Variants in SAMD12 observed in about 807,000 individuals in gnomAD.
SAMD12 encodes sterile alpha motif domain-containing protein 12.
SAMD12 carries 9 observed loss-of-function variants against 15.0 expected under a neutral mutation model. The observed-to-expected ratio is 0.60, with a 90% CI of 0.36 to 1.05. The LOEUF (loss-of-function observed/expected upper bound fraction) is 1.05, where lower values mean the gene tolerates loss of function less well. Ranked by LOEUF, SAMD12 falls within the 50% of genes least tolerant of loss-of-function variation. The pLI is 0.01. For missense variants in SAMD12, 230 were observed against 234.2 expected (o/e 0.98, Z 0.12); for synonymous variants, 86 against 90.1 (o/e 0.96, Z 0.25).
At chr8:118,241,918 T>C (rs1337927668) in intron 4 of SAMD12, among the ~76,000 whole-genome samples, 1 of 152,168 alleles carries the variant, frequency 6.6e-6, no homozygotes, top group African/African-American at 2.4e-5. Context: ...AATATGTGTA[T>C]TTATTTATTT....
the SAMD12 span, among the ~76,000 whole-genome samples, chr8:118,149,312 A>C: frequency 6.6e-6 from 1 of 152,076 alleles, no homozygotes; most frequent in East Asian, 1.9e-4. Flanking sequence ...TTAAAATTAT[A>C]TATGTTTTTA....
the SAMD12 span, among the ~76,000 whole-genome samples, chr8:118,163,061 A>G: frequency 6.6e-6 from 1 of 152,166 alleles, no homozygotes; most frequent in African/African-American, 2.4e-5. Flanking sequence ...ACCTCCTGCC[A>G]TTTTTTAAAA....
intron 2 of SAMD12, among the ~76,000 whole-genome samples, chr8:118,510,400 A>G (rs1406464707): frequency 6.6e-6 from 1 of 152,158 alleles, no homozygotes; most frequent in Non-Finnish European, 1.5e-5. Context: ...ATTGTTCGGG[A>G]CCACAATAAT....
rs71292173 is a variant in SAMD12 at position 118,522,157 on chromosome 8, AACAC to A, written c.192+58554_192+58557del. On this transcript the variant is annotated intron_variant, in intron 2 of 3. Coordinates refer to ENST00000314727, the MANE Select transcript of SAMD12 (RefSeq NM_207506.3). ...CAGTTAACAACTACTGATTCAGTGA[AACAC>A]ACACACACACACACACATACACACA... Among the ~76,000 whole-genome samples, 565 of 70,022 alleles carry A rather than the reference AACAC, an allele frequency of 8.1e-3. 5 individuals are homozygous for A. The highest frequency in any genetic ancestry group is 0.028 in the African/African-American group (488 of 17,412). The allele number at this position is 70,022 out of a possible 152,430, so 45.9% of individuals were successfully genotyped here. A position where few individuals can be genotyped will look rare whatever the true frequency, so the allele number is the denominator to read the frequency against.
At chr8:118,521,999 C>T (rs1237155620) in intron 2 of SAMD12, among the ~76,000 whole-genome samples, 1 of 152,068 alleles carries the variant, frequency 6.6e-6, no homozygotes, top group Admixed American at 6.6e-5. Flanking sequence ...TACTGGTTAA[C>T]AAGGTCCCTA....
chr8:118,436,571 T>C (rs1323748739), intron 3 of SAMD12, among the ~76,000 whole-genome samples: 2 of 152,184 alleles, frequency 1.3e-5, no homozygotes, highest in Non-Finnish European at 1.5e-5. Context: ...TCAATGAGCA[T>C]GATAGAGGAG....
chr8:118,369,290 A>G (rs1017775346), intron 4 of SAMD12, among the ~76,000 whole-genome samples: 2 of 152,234 alleles, frequency 1.3e-5, no homozygotes, highest in African/African-American at 4.8e-5. Flanking sequence ...CAAACCTGAC[A>G]AAAACAAGCA....
intron 2 of SAMD12, among the ~76,000 whole-genome samples, chr8:118,496,867 A>T (rs1477819016): frequency 6.7e-6 from 1 of 149,030 alleles, no homozygotes; most frequent in Non-Finnish European, 1.5e-5. Flanking sequence ...GCAAATTTAC[A>T]AGCCAAAAAA....
intron 4 of SAMD12, among the ~76,000 whole-genome samples, chr8:118,273,710 G>C (rs1348693044): frequency 6.6e-6 from 1 of 152,140 alleles, no homozygotes; most frequent in Non-Finnish European, 1.5e-5. Flanking sequence ...CGGAGGGGTT[G>C]ATTCAATCCA....
chr8:118,350,050 C>T (rs1230376421), intron 4 of SAMD12, among the ~76,000 whole-genome samples: 2 of 152,110 alleles, frequency 1.3e-5, no homozygotes, highest in African/African-American at 2.4e-5. Flanking sequence ...ATCGCTTGAG[C>T]CCAGGAGGTC....
At chr8:118,286,318 A>T (rs937888673) in intron 4 of SAMD12, among the ~76,000 whole-genome samples, 6 of 143,450 alleles carry the variant, frequency 4.2e-5, no homozygotes, top group Admixed American at 2.7e-4. Flanking sequence ...AAATATAATT[A>T]AAAAAAAAAG....
chr8:118,579,020 T>C (rs574638889), intron 2 of SAMD12, among the ~76,000 whole-genome samples: 2 of 152,250 alleles, frequency 1.3e-5, no homozygotes, highest in Non-Finnish European at 2.9e-5. Flanking sequence ...TATAAAATGC[T>C]TCAGAGGCAA....
the SAMD12 span, among the ~76,000 whole-genome samples, chr8:118,158,522 C>T: frequency 4.6e-5 from 7 of 152,332 alleles, no homozygotes; most frequent in South Asian, 1.2e-3. Flanking sequence ...CCTGCAGGTG[C>T]CCCTTTGCAC....
chr8:118,163,007 G>C, the SAMD12 span, among the ~76,000 whole-genome samples: 3 of 152,170 alleles, frequency 2.0e-5, no homozygotes, highest in Non-Finnish European at 4.4e-5. Context: ...ACCTGATTTT[G>C]AGGGGTTAAG....
rs562916199 is a variant in SAMD12, at chr8:118,205,254, A to G, written c.434-7522T>C. 2.6e-5 allele frequency among the ~76,000 whole-genome samples: 4 copies of G among 152,344 alleles called. No homozygotes were observed. The South Asian group carries it at 8.3e-4, about 32-fold the overall frequency. On this transcript the variant is annotated intron_variant, in intron 4 of 4. Coordinates refer to the SAMD12 transcript ENST00000409003. ...CTCTACCTTCACAATTGAATAAGCC[A>G]ATTCCTTATAATACATCTCTCTATA... is the stretch of plus-strand genomic sequence containing the variant.
chr8:118,481,096 C>A (rs1824112297), intron 2 of SAMD12, among the ~76,000 whole-genome samples: 1 of 152,100 alleles, frequency 6.6e-6, no homozygotes, highest in African/African-American at 2.4e-5. Flanking sequence ...GTGTGTGCCA[C>A]CAAGCCTGGC....
intron 4 of SAMD12, among the ~76,000 whole-genome samples, chr8:118,347,297 A>G (rs1225333475): frequency 6.6e-6 from 1 of 152,226 alleles, no homozygotes; most frequent in African/African-American, 2.4e-5. Flanking sequence ...CCAGAAGGAA[A>G]GCAGGTGTTC....
intron 2 of SAMD12, among the ~76,000 whole-genome samples, chr8:118,543,204 C>T (rs898386152): frequency 1.1e-4 from 16 of 152,104 alleles, no homozygotes; most frequent in Non-Finnish European, 2.1e-4. Flanking sequence ...TGCTGACTCC[C>T]GCCTCCCGCC....
At chr8:118,409,694 G>A (rs1821309522) in intron 3 of SAMD12, among the ~76,000 whole-genome samples, 1 of 150,980 alleles carries the variant, frequency 6.6e-6, no homozygotes. Flanking sequence ...GTACTGGGAT[G>A]TACTACTTAC....
Sources: gnomAD v4.1 joint callset for allele counts (sites outside exome capture counted in the v4.1 genomes callset) on GRCh38, gnomAD v4.1.1 for gene constraint, MANE v1.5 for transcripts, NCBI Gene and HGNC (gene_info 2026-07-23, HGNC 2026-07-21) for gene names.